DAW1: variants seen among roughly 807,000 people sequenced by gnomAD.
DAW1 encodes the protein dynein assembly factor with WD repeats 1, also known as dynein assembly factor with WD repeat domains 1.
DAW1 carries 47 observed loss-of-function variants against 56.5 expected under a neutral mutation model. The observed-to-expected ratio is 0.83, with a 90% CI of 0.66 to 1.06. DAW1 has a LOEUF of 1.06. DAW1 is among the 50% of genes least tolerant of loss of function. DAW1 has a pLI of 0.00. For synonymous variants in DAW1, 190 were observed against 179.0 expected (o/e 1.06, Z -0.49); for missense variants, 505 against 499.3 (o/e 1.01, Z -0.11).
chr2:227,885,705 T>A (rs1691111909), intron 2 of DAW1, among the ~76,000 whole-genome samples: 1 of 152,180 alleles, frequency 6.6e-6, no homozygotes, highest in Non-Finnish European at 1.5e-5. Flanking sequence ...AGGTAGAGTT[T>A]CCACACCCCG....
intron 10 of DAW1, among the ~76,000 whole-genome samples, chr2:227,915,263 A>G (rs1279953156): frequency 6.6e-6 from 1 of 152,040 alleles, no homozygotes; most frequent in Non-Finnish European, 1.5e-5. Context: ...CTATGATTTT[A>G]TTATTTCCAC....
chr2:227,908,964 A>G (rs984054856), intron 10 of DAW1, among the ~76,000 whole-genome samples: 14 of 152,198 alleles, frequency 9.2e-5, no homozygotes, highest in Non-Finnish European at 1.8e-4. Context: ...TCTGTTATCT[A>G]TCTGATGACC....
Position 227,871,832 on chromosome 2 carries a change from TC to T in DAW1, c.40+107del, listed in dbSNP as rs1690757481. ...GCGCAGCCACTGAAAGGCGGCGGGG[TC>T]CCCAGGTGGGGCAGGAAGTCGGGCA... is the stretch of plus-strand genomic sequence containing the variant. On this transcript the variant is annotated intron_variant, in intron 1 of 12. Coordinates refer to ENST00000309931, the MANE Select transcript of DAW1 (RefSeq NM_178821.3). 3 of 1,510,996 alleles carry T rather than the reference TC, an allele frequency of 2.0e-6. No individual in the cohort carries two copies. The Admixed American group carries it at 6.0e-5, about 30-fold the overall frequency. The allele number at this position is 1,510,996 out of a possible 1,614,324, so 93.6% of individuals were successfully genotyped here.
rs534608030 is a variant in DAW1, at chr2:227,875,567, C to T, written c.40+3838C>T. The stretch of plus-strand genomic sequence containing the variant: ...TCTGCAGTTGGTGTTCTTTCTGCCT[C>T]GAATAATCTACCCATGGACATTTGT... On this transcript the variant is annotated intron_variant, in intron 1 of 12. Coordinates refer to ENST00000309931, the MANE Select transcript of DAW1 (RefSeq NM_178821.3). Among the ~76,000 whole-genome samples, 13 of 152,236 alleles carry T rather than the reference C, an allele frequency of 8.5e-5. No individual in the cohort carries two copies. In the South Asian group the frequency reaches 2.5e-3, roughly 29 times the overall value.
At chr2:227,890,056 T>G in intron 3 of DAW1, 56 bp downstream of exon 3, 2 of 1,439,250 alleles carry the variant, frequency 1.4e-6, no homozygotes, top group South Asian at 3.2e-5. Flanking sequence ...ATTGATATTT[T>G]ATTAATTTTT....
intron 10 of DAW1, among the ~76,000 whole-genome samples, chr2:227,917,680 C>T (rs2106215934): frequency 6.6e-6 from 1 of 152,160 alleles, no homozygotes; most frequent in African/African-American, 2.4e-5. Context: ...GAGTGTAGAT[C>T]TGTGCAGGAC....
intron 1 of DAW1, among the ~76,000 whole-genome samples, chr2:227,873,364 G>T (rs954690040): frequency 6.6e-6 from 1 of 152,178 alleles, no homozygotes; most frequent in Non-Finnish European, 1.5e-5. Context: ...TAAGATCTTA[G>T]TGTGGTTTGA....
chr2:227,918,626 A>G (rs1002555567), intron 10 of DAW1, among the ~76,000 whole-genome samples, 154 bp from the exon 11 acceptor site: 1 of 151,872 alleles, frequency 6.6e-6, no homozygotes, highest in African/African-American at 2.4e-5. Flanking sequence ...AGGCATTTAG[A>G]GTATTAAGTA....
At chr2:227,874,271 G>T (rs1278493988) in intron 1 of DAW1, among the ~76,000 whole-genome samples, 1 of 152,182 alleles carries the variant, frequency 6.6e-6, no homozygotes, top group Non-Finnish European at 1.5e-5. Flanking sequence ...CAAAGCATGG[G>T]TACATGGTGA....
chr2:227,922,273 C>T (rs544552636), intron 12 of DAW1, among the ~76,000 whole-genome samples: 8 of 152,218 alleles, frequency 5.3e-5, no homozygotes, highest in Non-Finnish European at 1.2e-4. Context: ...GTTGTTTTCT[C>T]CCCTGCTAAA....
At chr2:227,889,187 A>C (rs1358604139) in intron 2 of DAW1, among the ~76,000 whole-genome samples, 1 of 152,240 alleles carries the variant, frequency 6.6e-6, no homozygotes, top group Non-Finnish European at 1.5e-5. Context: ...GTTCAGAACT[A>C]GTATGGACTA....
intron 1 of DAW1, among the ~76,000 whole-genome samples, chr2:227,879,920 T>C (rs1358592473): frequency 6.6e-6 from 1 of 152,178 alleles, no homozygotes; most frequent in Non-Finnish European, 1.5e-5. Flanking sequence ...TCTAATTTTG[T>C]ATCAAAACCA....
chr2:227,879,603 T>G (rs1455430866), intron 1 of DAW1, among the ~76,000 whole-genome samples: 1 of 151,910 alleles, frequency 6.6e-6, no homozygotes, highest in Non-Finnish European at 1.5e-5. Context: ...CTTACAAAGG[T>G]GATTACAGGC....
At chr2:227,913,867 C>T (rs1188083338) in intron 10 of DAW1, among the ~76,000 whole-genome samples, 6 of 147,316 alleles carry the variant, frequency 4.1e-5, no homozygotes, top group Admixed American at 2.1e-4. Flanking sequence ...AGAAGACAGT[C>T]ATCATATCTA....
chr2:227,918,919 G>A (rs756462524), intron 11 of DAW1, 63 bp downstream of exon 11: 20 of 1,497,850 alleles, frequency 1.3e-5, no homozygotes, highest in Non-Finnish European at 1.8e-5. Flanking sequence ...CAGGGCCCAG[G>A]TGCAGTGCCT....
intron 1 of DAW1, among the ~76,000 whole-genome samples, chr2:227,884,751 G>A (rs556503941): frequency 3.0e-4 from 46 of 152,306 alleles, no homozygotes; most frequent in African/African-American, 1.1e-3. Context: ...GTGGAATGAG[G>A]TCTGAGACAT....
At position 227,871,730 on chromosome 2, in the gene DAW1, G is replaced by A. The variant is rs990385169; in HGVS notation, c.40+1G>A. 6.2e-7 allele frequency: 1 copy of A among 1,613,954 alleles called. No individual in the cohort carries two copies. Among genetic ancestry groups the A allele is most frequent in the Non-Finnish European group, 8.5e-7 (1 of 1,179,944 alleles). ...CTCCTGCTCCGGTATTACCCGCCAG[G>A]TACGCACCAGCCCGGCCCCGTCATC... On this transcript the variant is annotated splice_donor_variant, in intron 1 of 12. Coordinates refer to ENST00000309931, the MANE Select transcript of DAW1 (RefSeq NM_178821.3). LOFTEE classifies it high-confidence loss of function.
At chr2:227,891,195 T>TTA in intron 3 of DAW1, 60 bp from the exon 4 acceptor site, 1 of 1,486,952 alleles carries the variant, frequency 6.7e-7, no homozygotes. Flanking sequence ...TGGTTTGAAG[T>TTA]TATAACTAAC....
intron 10 of DAW1, among the ~76,000 whole-genome samples, chr2:227,915,762 A>G (rs1452751623): frequency 6.6e-6 from 1 of 152,126 alleles, no homozygotes; most frequent in Non-Finnish European, 1.5e-5. Flanking sequence ...TCTGTCAGCC[A>G]TATGTGATGC....
Sources: allele counts gnomAD v4.1 joint callset (sites outside exome capture counted in the v4.1 genomes callset), GRCh38; gene constraint gnomAD v4.1.1; transcripts MANE v1.5; gene names NCBI Gene and HGNC (gene_info 2026-07-23, HGNC 2026-07-21).